POLA1: variants seen among roughly 807,000 people sequenced by gnomAD.
POLA1 encodes the protein DNA polymerase alpha 1, catalytic subunit.
A neutral mutation model predicts 124.0 loss-of-function variants in POLA1; 15 were observed. That is an observed-to-expected ratio of 0.12 (90% CI 0.08 to 0.19). The LOEUF (loss-of-function observed/expected upper bound fraction) is 0.19, where lower values mean the gene tolerates loss of function less well. Ranked by LOEUF, POLA1 falls within the 10% of genes least tolerant of loss-of-function variation. POLA1 has a pLI of 1.00. For synonymous variants in POLA1, 408 were observed against 389.4 expected (o/e 1.05, Z -0.56); for missense variants, 886 against 1,103.4 (o/e 0.80, Z 2.79).
intron 18 of POLA1, among the ~76,000 whole-genome samples, chrX:24,737,195 G>A (rs1380428603): frequency 9.0e-6 from 1 of 111,498 alleles, no homozygotes; most frequent in Non-Finnish European, 1.9e-5. Context: ...CTGAGTTTTC[G>A]AAGAAGTCTT....
intron 36 of POLA1, among the ~76,000 whole-genome samples, chrX:24,975,657 C>G (rs950866863): frequency 9.8e-5 from 11 of 111,916 alleles, no homozygotes; most frequent in Non-Finnish European, 1.3e-4. Context: ...GTAATGTCTT[C>G]GTATGATTTC....
intron 32 of POLA1, among the ~76,000 whole-genome samples, chrX:24,830,758 G>C (rs1395823141): frequency 8.9e-6 from 1 of 112,015 alleles, no homozygotes; most frequent in African/African-American, 3.2e-5. Flanking sequence ...ATACCTAGCT[G>C]ACTAGGCCAG....
Position 24,911,954 on chromosome X carries a change from A to G in POLA1, c.4165-18499A>G, listed in dbSNP as rs190597607. On this transcript the variant is annotated intron_variant, in intron 35 of 36. Coordinates refer to ENST00000379068, the MANE Select transcript of POLA1 (RefSeq NM_001330360.2). ...GTTAAGAAGAAAGCAAAAGAGAATAACATTGGAGGAATCAATACATAGCTT... is the reference window on the plus strand; with the variant it reads ...GTTAAGAAGAAAGCAAAAGAGAATAGCATTGGAGGAATCAATACATAGCTT... 3.3e-4 allele frequency among the ~76,000 whole-genome samples: 37 copies of G among 112,629 alleles called. No homozygotes were observed. In the South Asian group the frequency reaches 6.9e-3, roughly 21 times the overall value.
At chrX:24,777,740 A>T (rs1276057180) in intron 26 of POLA1, among the ~76,000 whole-genome samples, 1 of 111,542 alleles carries the variant, frequency 9.0e-6, no homozygotes, top group Non-Finnish European at 1.9e-5. Context: ...GAGGGGGGAG[A>T]GGTGGAGGGA....
chrX:24,822,213 G>GT (rs1357849581), intron 31 of POLA1, among the ~76,000 whole-genome samples: 3 of 111,208 alleles, frequency 2.7e-5, no homozygotes, highest in Non-Finnish European at 5.7e-5. Flanking sequence ...GAGAAGAGCA[G>GT]TTTTTTGACT....
intron 35 of POLA1, among the ~76,000 whole-genome samples, chrX:24,888,382 T>TAATTACAAAA (rs1231635154): frequency 8.1e-5 from 9 of 111,247 alleles, no homozygotes; most frequent in Admixed American, 1.9e-4. Context: ...TGCCACTACA[T>TAATTACAAAA]AATTACAAAA....
intron 28 of POLA1, among the ~76,000 whole-genome samples, chrX:24,811,243 A>T (rs2045894389): frequency 9.9e-6 from 1 of 100,514 alleles, no homozygotes; most frequent in East Asian, 3.1e-4. Flanking sequence ...ACCATGCCCA[A>T]TCCTCTTTTT....
intron 36 of POLA1, among the ~76,000 whole-genome samples, chrX:24,932,080 G>T (rs1257495810): frequency 9.0e-6 from 1 of 111,551 alleles, no homozygotes; most frequent in Non-Finnish European, 1.9e-5. Context: ...TGTATTTCTA[G>T]TAGAGAGGGG....
At chrX:24,772,910 C>T (rs762584625) in intron 26 of POLA1, among the ~76,000 whole-genome samples, 1 of 111,640 alleles carries the variant, frequency 9.0e-6, no homozygotes, top group Admixed American at 9.5e-5. Flanking sequence ...TTCACAATAG[C>T]AAAGACATAG....
At chrX:24,992,393 C>T (rs1601938850) in intron 36 of POLA1, among the ~76,000 whole-genome samples, 1 of 112,345 alleles carries the variant, frequency 8.9e-6, no homozygotes, top group South Asian at 3.7e-4. Flanking sequence ...TACCTGATTT[C>T]ATAATTGACA....
Position 24,717,589 on chromosome X carries a change from T to C in POLA1, c.918T>C (p.Phe306=). Residue 306 remains phenylalanine, a synonymous_variant, in exon 10 of 37, where the codon TTT becomes TTC. Coordinates refer to ENST00000379068, the MANE Select transcript of POLA1 (RefSeq NM_001330360.2). Reference sequence around the variant, plus strand: ...AATGTGATTTCTGCAGAGGAAGTTTTCTCCCGGATGTCTCTTGTTGGGACA... The same window carrying C: ...AATGTGATTTCTGCAGAGGAAGTTTCCTCCCGGATGTCTCTTGTTGGGACA... ...GKGTVSYLGS[F]LPDVSCWDID... is the part of the protein sequence containing the mutation. 1 of 1,208,905 alleles carries C rather than the reference T, an allele frequency of 8.3e-7. No individual in the cohort carries two copies. The highest frequency in any genetic ancestry group is 1.1e-6 in the Non-Finnish European group (1 of 893,462).
chrX:24,804,823 A>G (rs995418454), intron 26 of POLA1, among the ~76,000 whole-genome samples: 1 of 111,827 alleles, frequency 8.9e-6, no homozygotes, highest in Non-Finnish European at 1.9e-5. Context: ...ACAGTATTCT[A>G]TTTTAACAAG....
At chrX:24,729,480 A>T (rs1930757229) in intron 15 of POLA1, among the ~76,000 whole-genome samples, 1 of 112,237 alleles carries the variant, frequency 8.9e-6, no homozygotes, top group African/African-American at 3.2e-5. Flanking sequence ...GTGATTTTTT[A>T]AAAATTCTGT....
At chrX:24,919,820 G>T (rs796244105) in intron 35 of POLA1, among the ~76,000 whole-genome samples, 1,086 of 27,117 alleles carry the variant, frequency 0.04, no homozygotes, top group Non-Finnish European at 0.049. Flanking sequence ...TTTTTTTTTT[G>T]TTTTTTTTTT....
chrX:24,932,434 T>G (rs914331712), intron 36 of POLA1, among the ~76,000 whole-genome samples: 4 of 111,748 alleles, frequency 3.6e-5, no homozygotes, highest in African/African-American at 1.3e-4. Flanking sequence ...GAAGTGCACG[T>G]TATTACACCC....
At chrX:24,888,614 T>G (rs998336334) in intron 35 of POLA1, among the ~76,000 whole-genome samples, 6 of 97,915 alleles carry the variant, frequency 6.1e-5, no homozygotes, top group African/African-American at 2.3e-4. Flanking sequence ...TTTTTTTTTT[T>G]TTTTTTTTTT....
At chrX:24,959,898 G>A (rs1265666845) in intron 36 of POLA1, among the ~76,000 whole-genome samples, 1 of 111,245 alleles carries the variant, frequency 9.0e-6, no homozygotes, top group Non-Finnish European at 1.9e-5. Flanking sequence ...TTTCTACTGG[G>A]CCGCACTGTG....
At chrX:24,743,391 G>A (rs1931795886) in intron 23 of POLA1, 62 bp downstream of exon 23, 3 of 570,940 alleles carry the variant, frequency 5.3e-6, no homozygotes, top group Non-Finnish European at 8.7e-6. Context: ...TGTGGATCTA[G>A]GCTTGAGAAA....
chrX:24,958,026 G>A (rs748245802), intron 36 of POLA1, among the ~76,000 whole-genome samples: 6 of 110,574 alleles, frequency 5.4e-5, no homozygotes, highest in Admixed American at 9.7e-5. Context: ...CTCACCCCAC[G>A]ACTGAGAACC....
Sources: allele counts gnomAD v4.1 joint callset (sites outside exome capture counted in the v4.1 genomes callset), GRCh38; gene constraint gnomAD v4.1.1; transcripts MANE v1.5; gene names NCBI Gene and HGNC (gene_info 2026-07-23, HGNC 2026-07-21).